Variants in HMCN2 observed in about 807,000 individuals in gnomAD.
HMCN2 encodes hemicentin 2.
In HMCN2, 325 loss-of-function variants were observed where a neutral mutation model predicts 377.5. The ratio of observed to expected loss-of-function variants is 0.86; its 90% confidence interval spans 0.79 to 0.94. The LOEUF is 0.94. HMCN2 is among the 40% of genes least tolerant of loss of function. HMCN2 has a pLI of 0.00. For synonymous variants in HMCN2, 2,007 were observed against 2,046.8 expected, an observed-to-expected ratio of 0.98 and a Z score of 0.53; for missense variants, 4,543 against 4,725.3, an observed-to-expected ratio of 0.96 and a Z score of 1.13.
At chr9:130,272,655 C>T (rs533627525) in intron 1 of HMCN2, among the ~76,000 whole-genome samples, 52 of 152,252 alleles carry the variant, frequency 3.4e-4, no homozygotes, top group Admixed American at 2.0e-3. Flanking sequence ...CTCAGGTGAT[C>T]CTCCCACTTC....
chr9:130,337,292 A>T (rs1007604445), intron 22 of HMCN2, among the ~76,000 whole-genome samples: 5 of 152,068 alleles, frequency 3.3e-5, no homozygotes, highest in Admixed American at 2.6e-4. Context: ...TGGGGGCTCC[A>T]CAGCTTCCTC....
At chr9:130,337,430 T>C (rs1056596578) in intron 22 of HMCN2, among the ~76,000 whole-genome samples, 1 of 151,958 alleles carries the variant, frequency 6.6e-6, no homozygotes, top group Non-Finnish European at 1.5e-5. Context: ...ACCGGGCAGG[T>C]GTGTGTGGCA....
chr9:130,403,371 C>T lies in HMCN2; in HGVS notation c.12013+43C>T, dbSNP rs748048438. 9.3e-6 allele frequency: 12 copies of T among 1,286,726 alleles called. No homozygotes were observed. The Middle Eastern group carries it at 1.1e-3, about 114-fold the overall frequency. The allele number at this position is 1,286,726 out of a possible 1,614,324, so 79.7% of individuals were successfully genotyped here. A position where few individuals can be genotyped will look rare whatever the true frequency, so the allele number is the denominator to read the frequency against. On this transcript the variant is annotated intron_variant, in intron 79 of 97. Coordinates refer to ENST00000683500, the MANE Select transcript of HMCN2 (RefSeq NM_001291815.2). ...CCAGCCTGGGAAGGGAAGAGAAGAGCGTGGGTCTGGGCAGGGGGGGAGTCC... is the reference window on the plus strand; with the variant it reads ...CCAGCCTGGGAAGGGAAGAGAAGAGTGTGGGTCTGGGCAGGGGGGGAGTCC...
chr9:130,353,440 C>T (rs1588292379), intron 31 of HMCN2, among the ~76,000 whole-genome samples: 1 of 152,312 alleles, frequency 6.6e-6, no homozygotes, highest in African/African-American at 2.4e-5. Context: ...GAGGCCATGG[C>T]GGAGCTAAGT....
In HMCN2 at chr9:130,295,713, C is replaced by T. The variant is rs782556743; in HGVS notation, c.832C>T (p.Pro278Ser). The change falls in exon 6 of 98, where the codon CCT becomes TCT. Residue 278 changes from proline to serine, a missense_variant. Physicochemically the swap from Pro to Ser is moderately conservative, Grantham distance 74 (BLOSUM62 -1). Coordinates refer to ENST00000683500, the MANE Select transcript of HMCN2 (RefSeq NM_001291815.2). ...DEGLNVLLNI[P>S]DSAKVVAFKP... ...GGGCCTCAACGTGCTTCTCAACATC[C>T]CTGACTCGGCCAAGGTCGTAGCCTT... The T allele has an allele frequency of 2.1e-6, 1 of 471,062 alleles. No individual in the cohort carries two copies. Among genetic ancestry groups the T allele is most frequent in the South Asian group, 1.5e-5 (1 of 64,552 alleles). The allele number at this position is 471,062 out of a possible 1,614,324, so 29.2% of individuals were successfully genotyped here.
At position 130,362,949 on chromosome 9, in the gene HMCN2, C is replaced by T. The variant is rs762992869; in HGVS notation, c.6191C>T (p.Ala2064Val). Residue 2064 changes from alanine (A) to valine (V), a missense_variant, in exon 40 of 98, where the codon GCG becomes GTG. Around this residue, in one of 5 missense-constraint regions of HMCN2, gnomAD observed 1,032 missense variants for 1,285.1 expected, o/e 0.80. Transcript: ENST00000683500. Reference protein sequence around the residue: ...SGRYSCVAVSAVGEDRQDVVL... With the variant: ...SGRYSCVAVSVVGEDRQDVVL... ...AGGTACTCCTGCGTGGCTGTGAGCG[C>T]GGTGGGCGAGGACCGCCAGGATGTT... The T allele has an allele frequency of 1.8e-5, 18 of 985,832 alleles. No individual in the cohort carries two copies. The highest frequency in any genetic ancestry group is 1.6e-4 in the African/African-American group (9 of 57,322). The allele number at this position is 985,832 out of a possible 1,614,324, so 61.1% of individuals were successfully genotyped here.
In HMCN2 at chr9:130,287,976, G is replaced by A. The variant is rs563757747; in HGVS notation, c.612+1666G>A. The stretch of plus-strand genomic sequence containing the variant: ...CCTTAACTCCCTGTTGACAGATGGC[G>A]TTTATGGTTCTCTGCGACACTTTAG... On this transcript the variant is annotated intron_variant, in intron 4 of 97. Coordinates refer to ENST00000683500, the MANE Select transcript of HMCN2 (RefSeq NM_001291815.2). Among the ~76,000 whole-genome samples, 296 of 152,306 alleles carry A rather than the reference G, an allele frequency of 1.9e-3. 3 individuals are homozygous for A. Among genetic ancestry groups the A allele is most frequent in the African/African-American group, 3.1e-3 (127 of 41,578 alleles).
At chr9:130,321,041 C>T (rs1837827570) in intron 18 of HMCN2, 138 bp downstream of exon 18, 1 of 152,314 alleles carries the variant, frequency 6.6e-6, no homozygotes, top group South Asian at 2.1e-4. Context: ...TTTTTGGCCC[C>T]ATTTCAGAAC....
rs1554939344 is a variant in HMCN2 at position 130,312,539 on chromosome 9, C to CCCTTCTTTCTTTCTTTCTTTCTTT, written c.2350+2479_2350+2480insCTTCTTTCTTTCTTTCTTTCTTTC. ...TCCCTCCCTCCCTCCCTCCCTCCCT[C>CCCTTCTTTCTTTCTTTCTTTCTTT]CTTTCTTTCTTTCTTTCTTTCTTTC... On this transcript the variant is annotated intron_variant, in intron 15 of 97. Coordinates refer to ENST00000683500, the MANE Select transcript of HMCN2 (RefSeq NM_001291815.2). Among the ~76,000 whole-genome samples, 3 of 6,634 alleles carry CCCTTCTTTCTTTCTTTCTTTCTTT rather than the reference C, an allele frequency of 4.5e-4. 1 individual carries two copies. The highest frequency in any genetic ancestry group is 1.2e-3 in the African/African-American group (3 of 2,596). 4.4% of individuals were successfully genotyped at this position (6,634 alleles called of 152,430 possible).
chr9:130,431,342 T>C, intron 95 of HMCN2, 25 bp from the exon 96 acceptor site: 3 of 1,401,472 alleles, frequency 2.1e-6, no homozygotes, highest in East Asian at 2.5e-5. Context: ...ATCCCCCACC[T>C]GCCCCACCCC....
intron 29 of HMCN2, among the ~76,000 whole-genome samples, chr9:130,350,956 G>A: frequency 6.6e-6 from 1 of 152,010 alleles, no homozygotes; most frequent in East Asian, 1.9e-4. Context: ...TGCAGCATGG[G>A]GCAACTTTCA....
rs1354831710 is a variant in HMCN2 at position 130,266,106 on chromosome 9, C to T, written c.228C>T (p.Ala76=). 13 of 469,120 alleles carry T rather than the reference C, an allele frequency of 2.8e-5. No homozygotes were observed. Among genetic ancestry groups the T allele is most frequent in the South Asian group, 1.2e-4 (8 of 64,570 alleles). The allele number at this position is 469,120 out of a possible 1,614,324, so 29.1% of individuals were successfully genotyped here. A position where few individuals can be genotyped will look rare whatever the true frequency, so the allele number is the denominator to read the frequency against. Residue 76 remains alanine, a synonymous_variant, in exon 1 of 98, where the codon GCC becomes GCT. Transcript: ENST00000683500. The part of the protein sequence containing the change: ...RSLSRRSQAI[A]NYALVPFHDP... ...TGAGCCGCCGCAGCCAGGCCATCGC[C>T]AACTACGCGCTGGTGCCCTTCCACG...
chr9:130,408,866 T>G lies in HMCN2; in HGVS notation c.12812T>G (p.Leu4271Arg). Residue 4271 changes from leucine to arginine, a missense_variant, in exon 84 of 98, where the codon CTT becomes CGT. Leu to Arg is a moderately radical substitution (Grantham distance 102). Around this residue, in one of 5 missense-constraint regions of HMCN2, gnomAD observed 1,155 missense variants for 1,157.7 expected, o/e 1.00. Coordinates refer to ENST00000683500, the MANE Select transcript of HMCN2 (RefSeq NM_001291815.2). ...GACATCCACTGGATCAAAGATGGCC[T>G]TCCACTGCGGGGCAGCCACCTCCGG... is the stretch of plus-strand genomic sequence containing the variant. ...VPDIHWIKDG[L>R]PLRGSHLRHQ... The G allele has an allele frequency of 7.8e-7, 1 of 1,289,778 alleles. No homozygotes were observed. The allele number at this position is 1,289,778 out of a possible 1,614,324, so 79.9% of individuals were successfully genotyped here.
In HMCN2 at chr9:130,356,123, C is replaced by T. The variant is rs769837132; in HGVS notation, c.5291C>T (p.Ala1764Val). 4 of 1,299,274 alleles carry T rather than the reference C, an allele frequency of 3.1e-6. No individual in the cohort carries two copies. The highest frequency in any genetic ancestry group is 4.0e-6 in the Non-Finnish European group (4 of 987,900). The allele number at this position is 1,299,274 out of a possible 1,614,324, so 80.5% of individuals were successfully genotyped here. A position where few individuals can be genotyped will look rare whatever the true frequency, so the allele number is the denominator to read the frequency against. Residue 1764 changes from alanine (A) to valine (V), a missense_variant, in exon 34 of 98, where the codon GCT (alanine) becomes GTT (valine). Physicochemically the swap from Ala to Val is moderately conservative, Grantham distance 64. Coordinates refer to ENST00000683500, the MANE Select transcript of HMCN2 (RefSeq NM_001291815.2). ...LQNGRPAEEL[A>V]GVQVASQGTT... ...AATGGCCGCCCAGCCGAGGAGCTGG[C>T]TGGGGTGCAGGTGGCCTCGCAGGGG...
rs554887327 is a variant in HMCN2 at position 130,364,752 on chromosome 9, G to A, written c.6271G>A (p.Val2091Ile). The A allele has an allele frequency of 1.7e-4, 171 of 985,932 alleles. No homozygotes were observed. The highest frequency in any genetic ancestry group is 1.0e-3 in the Middle Eastern group (2 of 1,916). 61.1% of individuals were successfully genotyped at this position (985,932 alleles called of 1,614,324 possible). ...CCTTGGAGAAGAGCTGAATGTGTCC[G>A]TTGTGGCCAATGAGTCAGTGGCCCT... ...SILGEELNVS[V>I]VANESVALEC... Residue 2091 changes from valine to isoleucine, a missense_variant, in exon 41 of 98, where the codon GTT (valine) becomes ATT (isoleucine). Transcript: ENST00000683500.
Position 130,360,628 on chromosome 9 carries a change from G to A in HMCN2, c.5950+24G>A, listed in dbSNP as rs969610863. Reference sequence around the variant, plus strand: ...TGGTGAGCTTCCCTGGGCCTACAAGGTCCCTTGTCCAAAAAGTTGTCTTTT... The same window carrying A: ...TGGTGAGCTTCCCTGGGCCTACAAGATCCCTTGTCCAAAAAGTTGTCTTTT... On this transcript the variant is annotated intron_variant, in intron 38 of 97. Coordinates refer to ENST00000683500, the MANE Select transcript of HMCN2 (RefSeq NM_001291815.2). The surrounding 1 kb of genome is among the most constrained non-coding windows in gnomAD (Gnocchi z 4.7). The A allele has an allele frequency of 1.0e-5, 13 of 1,256,852 alleles. No homozygotes were observed. Among genetic ancestry groups the A allele is most frequent in the South Asian group, 1.3e-5 (1 of 76,354 alleles). 77.9% of individuals were successfully genotyped at this position (1,256,852 alleles called of 1,614,324 possible).
intron 2 of HMCN2, among the ~76,000 whole-genome samples, chr9:130,284,885 A>G (rs1554927048): frequency 6.6e-6 from 1 of 152,086 alleles, no homozygotes; most frequent in Non-Finnish European, 1.5e-5. Context: ...TGCTGGGCTT[A>G]TTGGTGTAGT....
chr9:130,333,476 G>GCCTCA (rs1396576371), intron 22 of HMCN2, among the ~76,000 whole-genome samples: 1 of 152,168 alleles, frequency 6.6e-6, no homozygotes, highest in African/African-American at 2.4e-5. Context: ...ATCTGCGTGC[G>GCCTCA]CCTCACTGCA....
chr9:130,350,127 C>G (rs1413220947), intron 29 of HMCN2, among the ~76,000 whole-genome samples: 1 of 151,506 alleles, frequency 6.6e-6, no homozygotes, highest in Non-Finnish European at 1.5e-5. Flanking sequence ...CCAGGCTGGT[C>G]TTGAACACCT....
Sources: allele counts gnomAD v4.1 joint callset (sites outside exome capture counted in the v4.1 genomes callset), GRCh38; gene constraint gnomAD v4.1.1; regional missense constraint gnomAD v4.1.1; non-coding constraint Gnocchi (gnomAD v3.1); transcripts MANE v1.5; gene names NCBI Gene and HGNC (gene_info 2026-07-23, HGNC 2026-07-21).